The following IGF2BP3 variants were observed in gnomAD, a reference collection of about 807,000 sequenced individuals.
IGF2BP3 encodes the protein insulin-like growth factor 2 mRNA-binding protein 3.
Under a neutral mutation model 73.8 loss-of-function variants are expected in IGF2BP3, and 9 were observed. The observed-to-expected ratio is 0.12, with a 90% CI of 0.07 to 0.21. The LOEUF (loss-of-function observed/expected upper bound fraction) is 0.21. Among genes scored for constraint, IGF2BP3 ranks in the 10% least tolerant of loss-of-function variants. The pLI is 1.00. For synonymous variants in IGF2BP3, 258 were observed against 256.7 expected, an observed-to-expected ratio of 1.01 and a Z score of -0.05; for missense variants, 542 against 714.0, an observed-to-expected ratio of 0.76 and a Z score of 2.75.
At chr7:23,457,478 T>A (rs907022338) in intron 2 of IGF2BP3, among the ~76,000 whole-genome samples, 1 of 152,076 alleles carries the variant, frequency 6.6e-6, no homozygotes, top group Non-Finnish European at 1.5e-5. Flanking sequence ...AAAAAAAATT[T>A]TTTTTAAACT....
At chr7:23,367,122 G>A (rs1230487818) in intron 3 of IGF2BP3, among the ~76,000 whole-genome samples, 1 of 151,460 alleles carries the variant, frequency 6.6e-6, no homozygotes, top group Non-Finnish European at 1.5e-5. Flanking sequence ...GGGATTACAT[G>A]CATGTGCCAC....
chr7:23,320,868 T>C (rs1416377784), intron 10 of IGF2BP3, among the ~76,000 whole-genome samples: 1 of 147,074 alleles, frequency 6.8e-6, no homozygotes, highest in Non-Finnish European at 1.5e-5. Context: ...GAGGATCACT[T>C]GAGCCCAGGT....
At chr7:23,343,948 G>C in intron 8 of IGF2BP3, 95 bp from the exon 9 acceptor site, 1 of 1,260,294 alleles carries the variant, frequency 7.9e-7, no homozygotes, top group Non-Finnish European at 1.1e-6. Context: ...ACAAACTGTG[G>C]AGCCTGGTAA....
chr7:23,395,019 G>A (rs956828188), intron 3 of IGF2BP3, among the ~76,000 whole-genome samples: 2 of 152,156 alleles, frequency 1.3e-5, no homozygotes, highest in South Asian at 4.1e-4. Flanking sequence ...AATGATGGGT[G>A]TAAGCTCAGA....
intron 2 of IGF2BP3, among the ~76,000 whole-genome samples, chr7:23,424,294 T>G (rs1787437154): frequency 6.6e-6 from 1 of 151,590 alleles, no homozygotes; most frequent in Admixed American, 6.6e-5. Context: ...GGTCAGGAGT[T>G]CAAGACCAGC....
intron 6 of IGF2BP3, among the ~76,000 whole-genome samples, chr7:23,348,953 A>G (rs1784896520): frequency 6.6e-6 from 1 of 152,226 alleles, no homozygotes; most frequent in South Asian, 2.1e-4. Context: ...AAGTGAAATA[A>G]TGCAATTCAC....
intron 2 of IGF2BP3, among the ~76,000 whole-genome samples, chr7:23,431,735 GACTA>G (rs946530485): frequency 5.3e-5 from 8 of 152,048 alleles, no homozygotes; most frequent in Non-Finnish European, 1.2e-4. Flanking sequence ...CACCACAAGG[GACTA>G]ACTAAAATGC....
At chr7:23,413,095 AGTGAC>A (rs1256284337) in intron 3 of IGF2BP3, 1 of 151,290 alleles carries the variant, frequency 6.6e-6, no homozygotes, top group East Asian at 2.0e-4. Flanking sequence ...CCTGACCTCA[AGTGAC>A]CCACCTGCCT....
chr7:23,339,552 A>G (rs920007801), intron 10 of IGF2BP3, among the ~76,000 whole-genome samples: 1 of 152,244 alleles, frequency 6.6e-6, no homozygotes, highest in Non-Finnish European at 1.5e-5. Context: ...TAAAAGACTG[A>G]TGTCCAAGAA....
At chr7:23,429,494 T>C (rs1378363795) in intron 2 of IGF2BP3, among the ~76,000 whole-genome samples, 5 of 152,160 alleles carry the variant, frequency 3.3e-5, no homozygotes, top group Admixed American at 3.3e-4. Context: ...CTAGTCGGTC[T>C]TACTGATTTC....
chr7:23,421,845 C>T (rs1377802741), intron 2 of IGF2BP3, among the ~76,000 whole-genome samples: 10 of 152,076 alleles, frequency 6.6e-5, no homozygotes, highest in Non-Finnish European at 1.2e-4. Context: ...AGTGCAGTGG[C>T]GTGGTCTTAG....
At position 23,317,627 on chromosome 7, in the gene IGF2BP3, T is replaced by C. The variant is rs776824279; in HGVS notation, c.1395+12A>G. 3 of 1,610,242 alleles carry C rather than the reference T, an allele frequency of 1.9e-6. No homozygotes were observed. In the Admixed American group the frequency reaches 5.0e-5, roughly 27 times the overall value. On this transcript the variant is annotated intron_variant, in intron 12 of 14. Coordinates refer to ENST00000258729, the MANE Select transcript of IGF2BP3 (RefSeq NM_006547.3). Reference sequence around the variant, plus strand: ...TTACCTGTGGACATAGCACATACTCTAGAGCACATACCTTGAACTGAGCCT... The same window carrying C: ...TTACCTGTGGACATAGCACATACTCCAGAGCACATACCTTGAACTGAGCCT...
chr7:23,447,727 C>G (rs1788099755), intron 2 of IGF2BP3, among the ~76,000 whole-genome samples: 1 of 152,276 alleles, frequency 6.6e-6, no homozygotes. Flanking sequence ...AATCTCAGCA[C>G]TTGGGGAGGC....
intron 2 of IGF2BP3, among the ~76,000 whole-genome samples, chr7:23,433,643 C>T (rs922001955): frequency 2.6e-5 from 4 of 151,952 alleles, no homozygotes; most frequent in African/African-American, 9.7e-5. Flanking sequence ...CCACACTGGG[C>T]CTTTGTTTTA....
In IGF2BP3 at chr7:23,468,478, T is replaced by A. The variant is rs1433758646; in HGVS notation, c.236+4A>T. The A allele has an allele frequency of 6.2e-7, 1 of 1,614,038 alleles. No individual in the cohort carries two copies. The highest frequency in any genetic ancestry group is 1.3e-5 in the African/African-American group (1 of 74,942). Reference sequence around the variant, plus strand: ...AATCGGGGCAAACAGAAGCAGCAGCTCACCTTTGCCTTTTTGGGACCGAGT... The same window carrying A: ...AATCGGGGCAAACAGAAGCAGCAGCACACCTTTGCCTTTTTGGGACCGAGT... On this transcript the variant is annotated splice_donor_region_variant and intron_variant, in intron 2 of 14. Transcript: ENST00000258729.
At chr7:23,417,986 T>C (rs1317751917) in intron 3 of IGF2BP3, among the ~76,000 whole-genome samples, 4 of 152,218 alleles carry the variant, frequency 2.6e-5, no homozygotes, top group African/African-American at 9.6e-5. Context: ...GAATCAGACT[T>C]AGATCAACTT....
At chr7:23,369,567 C>T (rs1562705951) in intron 3 of IGF2BP3, among the ~76,000 whole-genome samples, 1 of 152,098 alleles carries the variant, frequency 6.6e-6, no homozygotes. Flanking sequence ...GGTTCAGTAA[C>T]AGTATCATTG....
chr7:23,448,563 C>CA (rs1264334708), intron 2 of IGF2BP3, among the ~76,000 whole-genome samples: 3 of 151,998 alleles, frequency 2.0e-5, no homozygotes, highest in African/African-American at 7.2e-5. Flanking sequence ...CCATCACACT[C>CA]AGCTAATTTT....
At chr7:23,353,894 AC>A (rs1207315678) in intron 5 of IGF2BP3, among the ~76,000 whole-genome samples, 5 of 152,246 alleles carry the variant, frequency 3.3e-5, no homozygotes, top group Admixed American at 2.6e-4. Context: ...CTAAAGGAAG[AC>A]GACAGCTGAT....
Sources: allele counts gnomAD v4.1 joint callset (sites outside exome capture counted in the v4.1 genomes callset), GRCh38; gene constraint gnomAD v4.1.1; transcripts MANE v1.5; gene names NCBI Gene and HGNC (gene_info 2026-07-23, HGNC 2026-07-21).